KLF12: variants seen among roughly 807,000 people sequenced by gnomAD.
KLF12 encodes Krueppel-like factor 12.
Under a neutral mutation model 37.8 loss-of-function variants are expected in KLF12, and 9 were observed. The observed-to-expected ratio is 0.24, with a 90% CI of 0.14 to 0.42. The LOEUF (loss-of-function observed/expected upper bound fraction) is 0.42. Ranked by LOEUF, KLF12 falls within the 10% of genes least tolerant of loss-of-function variation. KLF12 has a pLI of 1.00. For missense variants in KLF12, 411 were observed against 516.0 expected, an observed-to-expected ratio of 0.80 and a Z score of 1.97; for synonymous variants, 208 against 202.1, an observed-to-expected ratio of 1.03 and a Z score of -0.25.
At chr13:74,216,958 G>A in the KLF12 span, among the ~76,000 whole-genome samples, 1 of 152,132 alleles carries the variant, frequency 6.6e-6, no homozygotes, top group Non-Finnish European at 1.5e-5. Flanking sequence ...AAAATCTTGA[G>A]AATTATTTTA....
chr13:73,705,693 A>G (rs1388875646), intron 7 of KLF12, among the ~76,000 whole-genome samples: 1 of 152,234 alleles, frequency 6.6e-6, no homozygotes, highest in East Asian at 1.9e-4. Context: ...ACCATTTAGG[A>G]TATGACCAAC....
At chr13:74,200,658 G>C in the KLF12 span, among the ~76,000 whole-genome samples, 1 of 152,030 alleles carries the variant, frequency 6.6e-6, no homozygotes, top group South Asian at 2.1e-4. Flanking sequence ...ATCTCTTCAC[G>C]TGCAAACTGG....
intron 3 of KLF12, among the ~76,000 whole-genome samples, chr13:73,904,462 TTCTTTCC>T (rs1455665194): frequency 8.2e-6 from 1 of 122,258 alleles, no homozygotes; most frequent in Admixed American, 9.2e-5. Flanking sequence ...CATGTTTTCT[TTCTTTCC>T]TTTTTTTTTT....
intron 1 of KLF12, among the ~76,000 whole-genome samples, chr13:74,002,368 CTTTTT>C (rs1240333257): frequency 1.3e-5 from 2 of 152,140 alleles, no homozygotes; most frequent in Non-Finnish European, 2.9e-5. Flanking sequence ...TATTTATTTA[CTTTTT>C]TATCTTTATT....
chr13:74,045,451 T>C (rs1363805969), intron 1 of KLF12, among the ~76,000 whole-genome samples: 1 of 152,032 alleles, frequency 6.6e-6, no homozygotes, highest in Non-Finnish European at 1.5e-5. Context: ...GTCTGAACAA[T>C]TGTCACAGCC....
chr13:74,217,454 C>T, the KLF12 span, among the ~76,000 whole-genome samples: 1,095 of 152,174 alleles, frequency 7.2e-3, 12 homozygotes, highest in African/African-American at 0.022. Flanking sequence ...ACAGGCTGGG[C>T]GCGGTGGCTC....
At chr13:74,221,072 T>C in the KLF12 span, among the ~76,000 whole-genome samples, 3 of 151,376 alleles carry the variant, frequency 2.0e-5, no homozygotes, top group East Asian at 5.9e-4. Flanking sequence ...TGGTGCTATC[T>C]CGGCTCACTG....
At chr13:73,865,025 T>C (rs1456754651) in intron 3 of KLF12, among the ~76,000 whole-genome samples, 1 of 151,870 alleles carries the variant, frequency 6.6e-6, no homozygotes, top group African/African-American at 2.4e-5. Flanking sequence ...AGTTATATAA[T>C]AAAAACAACA....
At chr13:73,882,881 G>A (rs140944264) in intron 3 of KLF12, among the ~76,000 whole-genome samples, 1,536 of 152,228 alleles carry the variant, frequency 0.01, 32 homozygotes, top group African/African-American at 0.035. Flanking sequence ...TGTATAGGGC[G>A]ATTTAGGGAA....
chr13:73,812,957 G>T (rs2138434539), intron 5 of KLF12, 195 bp downstream of exon 5: 6 of 558,784 alleles, frequency 1.1e-5, no homozygotes, highest in Middle Eastern at 4.8e-4. Flanking sequence ...ATCAAAGCAT[G>T]AATTTCCAAC....
chr13:74,124,897 T>C (rs1239923801), intron 1 of KLF12, among the ~76,000 whole-genome samples: 1 of 152,238 alleles, frequency 6.6e-6, no homozygotes, highest in East Asian at 1.9e-4. Context: ...GGCCCACACC[T>C]GTAACCCCAG....
chr13:73,698,303 A>C (rs1874293113), intron 7 of KLF12, among the ~76,000 whole-genome samples: 1 of 152,116 alleles, frequency 6.6e-6, no homozygotes, highest in East Asian at 1.9e-4. Context: ...ACAGGAGTGC[A>C]CCTGGGGAGG....
At chr13:74,031,841 T>C (rs1311952883) in intron 1 of KLF12, among the ~76,000 whole-genome samples, 2 of 152,136 alleles carry the variant, frequency 1.3e-5, no homozygotes, top group Non-Finnish European at 2.9e-5. Flanking sequence ...GTTATAAATA[T>C]GTATTTCAAA....
the KLF12 span, among the ~76,000 whole-genome samples, chr13:74,167,322 G>A: frequency 6.6e-6 from 1 of 152,186 alleles, no homozygotes; most frequent in African/African-American, 2.4e-5. Context: ...GAGGTCAAAG[G>A]GGATAGGACA....
In KLF12 at chr13:73,964,123, C is replaced by T. The variant is rs569376540; in HGVS notation, c.34-20053G>A. On this transcript the variant is annotated intron_variant, in intron 2 of 7. Transcript: ENST00000377669. ...TTGTGACAAATGTCTAATTTTATAC[C>T]ATTCATGACCTTCCATCCAAATAGT... Among the ~76,000 whole-genome samples, 6 of 152,234 alleles carry T rather than the reference C, an allele frequency of 3.9e-5. No homozygotes were observed. The East Asian group carries it at 1.2e-3, about 29-fold the overall frequency.
Position 73,765,562 on chromosome 13 carries a change from C to T in KLF12, c.807-562G>A, listed in dbSNP as rs565558029. Among the ~76,000 whole-genome samples the T allele has an allele frequency of 3.3e-5, 5 of 152,274 alleles. No homozygotes were observed. The East Asian group carries it at 9.6e-4, about 29-fold the overall frequency. On this transcript the variant is annotated intron_variant, in intron 5 of 7. Coordinates refer to ENST00000377669, the MANE Select transcript of KLF12 (RefSeq NM_007249.5). ...TCTGGAAGTGATGTGCTACACTGGACTTTGAAGAAAGTAAAGTCAATTCAA... is the reference window on the plus strand; with the variant it reads ...TCTGGAAGTGATGTGCTACACTGGATTTTGAAGAAAGTAAAGTCAATTCAA...
At chr13:74,186,800 C>T in the KLF12 span, among the ~76,000 whole-genome samples, 2 of 152,174 alleles carry the variant, frequency 1.3e-5, no homozygotes, top group East Asian at 1.9e-4. Flanking sequence ...CTGATTGACA[C>T]TATATTGCAT....
intron 3 of KLF12, among the ~76,000 whole-genome samples, chr13:73,894,958 ATC>A (rs1401227060): frequency 1.3e-5 from 2 of 152,140 alleles, no homozygotes; most frequent in Non-Finnish European, 2.9e-5. Flanking sequence ...TCCTTCTTCT[ATC>A]TCTGTTTTCT....
At chr13:73,845,775 A>G in intron 4 of KLF12, 52 bp downstream of exon 4, 1 of 1,529,366 alleles carries the variant, frequency 6.5e-7, no homozygotes, top group Non-Finnish European at 8.9e-7. Context: ...CACTGCAAAA[A>G]TGAAGTCACC....
Sources: gnomAD v4.1 joint callset for allele counts (sites outside exome capture counted in the v4.1 genomes callset) on GRCh38, gnomAD v4.1.1 for gene constraint, MANE v1.5 for transcripts, NCBI Gene and HGNC (gene_info 2026-07-23, HGNC 2026-07-21) for gene names.